AGPAT4: variants seen among roughly 807,000 people sequenced by gnomAD.
The protein encoded by AGPAT4 is 1-acyl-sn-glycerol-3-phosphate acyltransferase delta.
AGPAT4 carries 15 observed loss-of-function variants against 48.0 expected under a neutral mutation model. The ratio of observed to expected loss-of-function variants is 0.31; its 90% CI spans 0.21 to 0.48. The LOEUF (loss-of-function observed/expected upper bound fraction) is 0.48. Ranked by LOEUF, AGPAT4 falls within the 20% of genes least tolerant of loss-of-function variation. The probability of loss-of-function intolerance (pLI) is 0.99; values close to 1 mark genes in which losing one functional copy is unlikely to be tolerated. For missense variants in AGPAT4, 314 were observed against 482.5 expected (o/e 0.65, Z 3.27); for synonymous variants, 178 against 198.7 (o/e 0.90, Z 0.88).
chr6:161,255,692 T>A lies in AGPAT4; in HGVS notation c.-90+18246A>T, dbSNP rs1254420567. ...TAGGCCAATGCATGGAGACAGAAAG[T>A]GAACTTGTGGTTGTCTAGGGCTGGA... On this transcript the variant is annotated intron_variant, in intron 1 of 8. Coordinates refer to ENST00000320285, the MANE Select transcript of AGPAT4 (RefSeq NM_020133.3). The surrounding 1 kb of genome is among the most constrained non-coding windows in gnomAD (Gnocchi z 4.7). Among the ~76,000 whole-genome samples the A allele has an allele frequency of 1.3e-5, 2 of 151,798 alleles. No homozygotes were observed. Among genetic ancestry groups the A allele is most frequent in the African/African-American group, 2.4e-5 (1 of 41,296 alleles).
In AGPAT4 at chr6:161,177,499, AT is replaced by A. The variant is rs1446296361; in HGVS notation, c.179-11083del. Among the ~76,000 whole-genome samples the A allele has an allele frequency of 6.6e-6, 1 of 152,144 alleles. No individual in the cohort carries two copies. Among genetic ancestry groups the A allele is most frequent in the Non-Finnish European group, 1.5e-5 (1 of 68,020 alleles). On this transcript the variant is annotated intron_variant, in intron 2 of 8. Coordinates refer to ENST00000320285, the MANE Select transcript of AGPAT4 (RefSeq NM_020133.3). This position sits in a 1 kb window ranked among gnomAD's most constrained non-coding sequence, Gnocchi z 5.0. ...CCATGGTTTTCAGCTCCATCAGGTC[AT>A]TTAAGGTCTTCTCTACGCTGTTTAT... is the stretch of plus-strand genomic sequence containing the variant.
Position 161,166,539 on chromosome 6 carries a change from G to C in AGPAT4, c.179-122C>G, listed in dbSNP as rs1780104340. 1 of 1,166,792 alleles carries C rather than the reference G, an allele frequency of 8.6e-7. No individual in the cohort carries two copies. Among genetic ancestry groups the C allele is most frequent in the Non-Finnish European group, 1.2e-6 (1 of 835,104 alleles). 72.3% of individuals were successfully genotyped at this position (1,166,792 alleles called of 1,614,324 possible). A position where few individuals can be genotyped will look rare whatever the true frequency, so the allele number is the denominator to read the frequency against. On this transcript the variant is annotated intron_variant, in intron 2 of 8. Transcript: ENST00000320285. This position sits in a 1 kb window ranked among gnomAD's most constrained non-coding sequence, Gnocchi z 6.7. ...AGCAACTTCTACGGGCAAAGTTCTG[G>C]ATCGTTGCAGCACAGACCTTGGTCC...
In AGPAT4 at chr6:161,259,135, A is replaced by G. The variant is rs1783030141; in HGVS notation, c.-90+14803T>C. On this transcript the variant is annotated intron_variant, in intron 1 of 8. Coordinates refer to ENST00000320285, the MANE Select transcript of AGPAT4 (RefSeq NM_020133.3). The surrounding 1 kb of genome is among the most constrained non-coding windows in gnomAD (Gnocchi z 4.9). The stretch of plus-strand genomic sequence containing the variant: ...CAATTGACAAATAAAAATTGTACAT[A>G]TTTATGGTGTACAACATAATGTTAT... 6.6e-6 allele frequency among the ~76,000 whole-genome samples: 1 copy of G among 152,172 alleles called. No individual in the cohort carries two copies. Among genetic ancestry groups the G allele is most frequent in the Non-Finnish European group, 1.5e-5 (1 of 68,042 alleles).
intron 7 of AGPAT4, among the ~76,000 whole-genome samples, chr6:161,145,241 C>G (rs574204158): frequency 6.6e-6 from 1 of 151,794 alleles, no homozygotes; most frequent in South Asian, 2.1e-4. Context: ...GTACACATTT[C>G]TAGGTTCTAC....
rs948823323 is a variant in AGPAT4, at chr6:161,131,734, T to C, written c.*4806A>G. 1 of 152,240 alleles carries C rather than the reference T, an allele frequency of 6.6e-6. No individual in the cohort carries two copies. Among genetic ancestry groups the C allele is most frequent in the African/African-American group, 2.4e-5 (1 of 41,460 alleles). 9.4% of individuals were successfully genotyped at this position (152,240 alleles called of 1,614,324 possible). A position where few individuals can be genotyped will look rare whatever the true frequency, so the allele number is the denominator to read the frequency against. On this transcript the variant is annotated 3_prime_UTR_variant, in exon 9 of 9. Coordinates refer to ENST00000320285, the MANE Select transcript of AGPAT4 (RefSeq NM_020133.3). ...AGTAATTTCAAACAGTTGAATGTCGTGATCGATACTATGTCAGTTGGTGAT... is the reference window on the plus strand; with the variant it reads ...AGTAATTTCAAACAGTTGAATGTCGCGATCGATACTATGTCAGTTGGTGAT...
intron 3 of AGPAT4, chr6:161,160,944 A>G (rs1779911162): frequency 6.6e-6 from 3 of 455,254 alleles, no homozygotes; most frequent in Non-Finnish European, 1.3e-5. Context: ...CCAGCACCCT[A>G]TAGATAATAG....
At position 161,242,105 on chromosome 6, in the gene AGPAT4, T is replaced by C. The variant is rs1020336410; in HGVS notation, c.-89-9803A>G. ...TGCAGCAGCATCAGTATAAAAAATGTTTAGCATATATTATCCCATTAGTTC... is the reference window on the plus strand; with the variant it reads ...TGCAGCAGCATCAGTATAAAAAATGCTTAGCATATATTATCCCATTAGTTC... On this transcript the variant is annotated intron_variant, in intron 1 of 8. Transcript: ENST00000320285. This position sits in a 1 kb window ranked among gnomAD's most constrained non-coding sequence, Gnocchi z 5.0. 1.3e-5 allele frequency among the ~76,000 whole-genome samples: 2 copies of C among 152,196 alleles called. No individual in the cohort carries two copies. The highest frequency in any genetic ancestry group is 4.8e-5 in the African/African-American group (2 of 41,454).
chr6:161,250,277 C>T (rs928615403), intron 1 of AGPAT4, among the ~76,000 whole-genome samples: 1 of 152,130 alleles, frequency 6.6e-6, no homozygotes, highest in African/African-American at 2.4e-5. Context: ...ATAATCTGTA[C>T]AAGAAGCCCC....
intron 2 of AGPAT4, among the ~76,000 whole-genome samples, chr6:161,209,241 T>C (rs947200091): frequency 6.6e-6 from 1 of 152,124 alleles, no homozygotes; most frequent in Non-Finnish European, 1.5e-5. Flanking sequence ...AAAGGCTTGC[T>C]TGGAGGTGAT....
rs906748319 is a variant in AGPAT4, at chr6:161,200,302, G to A, written c.178+31734C>T. On this transcript the variant is annotated intron_variant, in intron 2 of 8. Transcript: ENST00000320285. This position sits in a 1 kb window ranked among gnomAD's most constrained non-coding sequence, Gnocchi z 5.5. ...CTCATGTAGAAAGCATTCGATAAGTGTTAACTAATATTTCACATTAAGGCC... is the reference window on the plus strand; with the variant it reads ...CTCATGTAGAAAGCATTCGATAAGTATTAACTAATATTTCACATTAAGGCC... Among the ~76,000 whole-genome samples, 12 of 152,224 alleles carry A rather than the reference G, an allele frequency of 7.9e-5. No individual in the cohort carries two copies. The highest frequency in any genetic ancestry group is 2.7e-4 in the African/African-American group (11 of 41,454).
At position 161,171,211 on chromosome 6, in the gene AGPAT4, C is replaced by T. The variant is rs371531129; in HGVS notation, c.179-4794G>A. ...TAGCGTTACAATGCCAGGAGCCCTACGAGGGTAAATCTAAGAGAAGCAAAG... is the reference window on the plus strand; with the variant it reads ...TAGCGTTACAATGCCAGGAGCCCTATGAGGGTAAATCTAAGAGAAGCAAAG... On this transcript the variant is annotated intron_variant, in intron 2 of 8. Coordinates refer to ENST00000320285, the MANE Select transcript of AGPAT4 (RefSeq NM_020133.3). The surrounding 1 kb of genome is among the most constrained non-coding windows in gnomAD (Gnocchi z 4.4). Among the ~76,000 whole-genome samples the T allele has an allele frequency of 1.3e-5, 2 of 152,178 alleles. No homozygotes were observed. Among genetic ancestry groups the T allele is most frequent in the African/African-American group, 4.8e-5 (2 of 41,428 alleles).
Position 161,232,340 on chromosome 6 carries a change from CG to C in AGPAT4, c.-89-39del. On this transcript the variant is annotated intron_variant, in intron 1 of 8. Coordinates refer to ENST00000320285, the MANE Select transcript of AGPAT4 (RefSeq NM_020133.3). This position sits in a 1 kb window ranked among gnomAD's most constrained non-coding sequence, Gnocchi z 6.8. ...CAAATAGGAAATGTTAGCAAAAACACGATGTGCTTTTAGAGTCAGAAAAAAA... is the reference window on the plus strand; with the variant it reads ...CAAATAGGAAATGTTAGCAAAAACACATGTGCTTTTAGAGTCAGAAAAAAA... 1 of 943,354 alleles carries C rather than the reference CG, an allele frequency of 1.1e-6. No individual in the cohort carries two copies. Among genetic ancestry groups the C allele is most frequent in the South Asian group, 1.9e-5 (1 of 52,084 alleles). 58.4% of individuals were successfully genotyped at this position (943,354 alleles called of 1,614,324 possible).
chr6:161,181,503 C>CGGGGGGGG (rs776492737), intron 2 of AGPAT4, among the ~76,000 whole-genome samples: 12 of 126,106 alleles, frequency 9.5e-5, no homozygotes, highest in Admixed American at 3.1e-4. Context: ...GTGGGGGTAG[C>CGGGGGGGG]AGGGGGCGGG....
chr6:161,199,783 G>A (rs889216467), intron 2 of AGPAT4, among the ~76,000 whole-genome samples: 9 of 152,102 alleles, frequency 5.9e-5, no homozygotes, highest in Admixed American at 3.9e-4. Context: ...CTTCCCCTAC[G>A]TCTTCCGCCA....
rs1782931831 is a variant in AGPAT4 at position 161,255,941 on chromosome 6, A to G, written c.-90+17997T>C. Among the ~76,000 whole-genome samples the G allele has an allele frequency of 6.6e-6, 1 of 152,208 alleles. No individual in the cohort carries two copies. Among genetic ancestry groups the G allele is most frequent in the South Asian group, 2.1e-4 (1 of 4,824 alleles). ...ACACTGGCCCCACAGAAGACAAAAC[A>G]TAAGCAGAGTCAGCCTTCAGTCCAC... On this transcript the variant is annotated intron_variant, in intron 1 of 8. Coordinates refer to ENST00000320285, the MANE Select transcript of AGPAT4 (RefSeq NM_020133.3). This position sits in a 1 kb window ranked among gnomAD's most constrained non-coding sequence, Gnocchi z 4.7.
At chr6:161,257,923 G>A (rs921863094) in intron 1 of AGPAT4, among the ~76,000 whole-genome samples, 1 of 152,150 alleles carries the variant, frequency 6.6e-6, no homozygotes, top group Non-Finnish European at 1.5e-5. Flanking sequence ...GATCACCCTT[G>A]CTCTGGCACT....
chr6:161,225,622 C>A lies in AGPAT4; in HGVS notation c.178+6414G>T, dbSNP rs1163332729. On this transcript the variant is annotated intron_variant, in intron 2 of 8. Coordinates refer to ENST00000320285, the MANE Select transcript of AGPAT4 (RefSeq NM_020133.3). This position sits in a 1 kb window ranked among gnomAD's most constrained non-coding sequence, Gnocchi z 5.0. ...AGTTTCTGGAAGCAACCCCGCTAGC[C>A]CATCACTGGTGGAAGCAGAGGGATC... Among the ~76,000 whole-genome samples, 1 of 152,112 alleles carries A rather than the reference C, an allele frequency of 6.6e-6. No individual in the cohort carries two copies. The highest frequency in any genetic ancestry group is 1.5e-5 in the Non-Finnish European group (1 of 68,042).
intron 2 of AGPAT4, among the ~76,000 whole-genome samples, chr6:161,182,907 G>GA (rs1780641788): frequency 6.6e-6 from 1 of 152,152 alleles, no homozygotes; most frequent in Non-Finnish European, 1.5e-5. Context: ...CCCCATGGTG[G>GA]AAAAAAGCTC....
In AGPAT4 at chr6:161,136,602, T is replaced by C; in HGVS notation, c.1075A>G (p.Thr359Ala). The change falls in exon 9 of 9, where the codon ACG becomes GCG. Residue 359 changes from threonine to alanine, a missense_variant. Transcript: ENST00000320285. ...TAGGCAGAGCCCTTGTCAATTTCCG[T>C]CACACCAATCATCCATCGAACTCCC... The part of the protein sequence containing the change: ...SVGVRWMIGV[T>A]EIDKGSAYGN... 6.2e-7 allele frequency: 1 copy of C among 1,614,204 alleles called. No homozygotes were observed. The highest frequency in any genetic ancestry group is 8.5e-7 in the Non-Finnish European group (1 of 1,180,030).
Sources: gnomAD v4.1 joint callset for allele counts (sites outside exome capture counted in the v4.1 genomes callset) on GRCh38, gnomAD v4.1.1 for gene constraint, Gnocchi (gnomAD v3.1) non-coding constraint, MANE v1.5 for transcripts, NCBI Gene and HGNC (gene_info 2026-07-23, HGNC 2026-07-21) for gene names.